The following ZNF277 variants were observed in gnomAD, a reference collection of about 807,000 sequenced individuals.
ZNF277 encodes the protein zinc finger protein 277, also known as nuclear receptor-interacting factor 4.
ZNF277 carries 55 observed loss-of-function variants against 60.7 expected under a neutral mutation model. That is an observed-to-expected ratio of 0.91 (90% CI 0.73 to 1.13). The LOEUF (loss-of-function observed/expected upper bound fraction) is 1.13. Ranked by LOEUF, ZNF277 falls within the 50% of genes most tolerant of loss-of-function variation. The pLI, the probability that ZNF277 is intolerant of heterozygous loss-of-function variation, is 0.00. For synonymous variants in ZNF277, 178 were observed against 179.3 expected, an observed-to-expected ratio of 0.99 and a Z score of 0.06; for missense variants, 510 against 523.0, an observed-to-expected ratio of 0.98 and a Z score of 0.24.
chr7:112,324,397 A>T (rs929866082), intron 5 of ZNF277, among the ~76,000 whole-genome samples: 7 of 152,250 alleles, frequency 4.6e-5, no homozygotes, highest in Admixed American at 1.3e-4. Context: ...ATAATAATTT[A>T]AACTGTTATG....
chr7:112,312,473 A>T (rs1437618239), intron 4 of ZNF277, among the ~76,000 whole-genome samples: 2 of 152,148 alleles, frequency 1.3e-5, no homozygotes, highest in African/African-American at 4.8e-5. Context: ...TTTTGTGGTT[A>T]TACATAGGGG....
At chr7:112,216,469 G>A (rs557218566) in intron 1 of ZNF277, among the ~76,000 whole-genome samples, 28 of 152,062 alleles carry the variant, frequency 1.8e-4, no homozygotes, top group African/African-American at 4.8e-4. Context: ...GCCACCATGC[G>A]CAGCTAAATT....
chr7:112,258,196 T>C (rs1791367225), intron 1 of ZNF277, among the ~76,000 whole-genome samples: 1 of 152,166 alleles, frequency 6.6e-6, no homozygotes, highest in Non-Finnish European at 1.5e-5. Flanking sequence ...AGAGTGAGCC[T>C]TCTGCAAGGT....
chr7:112,318,032 A>G, intron 4 of ZNF277, 150 bp from the exon 5 acceptor site: 1 of 620,654 alleles, frequency 1.6e-6, no homozygotes, highest in South Asian at 2.0e-5. Context: ...AGTTTAATGC[A>G]AAAACAGGAA....
intron 5 of ZNF277, among the ~76,000 whole-genome samples, chr7:112,319,645 TTA>T (rs1161301949): frequency 6.8e-6 from 1 of 147,524 alleles, no homozygotes; most frequent in African/African-American, 2.5e-5. Context: ...AAATTATAAT[TTA>T]TAAATTATAT....
intron 4 of ZNF277, among the ~76,000 whole-genome samples, chr7:112,302,316 G>A (rs1156898284): frequency 6.6e-6 from 1 of 151,958 alleles, no homozygotes; most frequent in African/African-American, 2.4e-5. Context: ...TGAGAAGATT[G>A]TTCTTCCTCA....
At chr7:112,309,354 G>A (rs575032944) in intron 4 of ZNF277, among the ~76,000 whole-genome samples, 2 of 152,098 alleles carry the variant, frequency 1.3e-5, no homozygotes, top group African/African-American at 4.8e-5. Context: ...GTTCAGGGAA[G>A]ATTGTTTGAG....
chr7:112,228,594 G>A (rs967988217), intron 1 of ZNF277, among the ~76,000 whole-genome samples: 6 of 150,508 alleles, frequency 4.0e-5, no homozygotes, highest in Admixed American at 2.7e-4. Context: ...CACCCCGGAC[G>A]TTTTGAATGG....
At chr7:112,336,640 G>C (rs558734693) in intron 8 of ZNF277, among the ~76,000 whole-genome samples, 13 of 152,076 alleles carry the variant, frequency 8.5e-5, no homozygotes, top group Non-Finnish European at 1.6e-4. Context: ...CAACCTAAAA[G>C]GATTTCTTAT....
chr7:112,216,396 G>A (rs1288137007), intron 1 of ZNF277, among the ~76,000 whole-genome samples: 1 of 152,150 alleles, frequency 6.6e-6, no homozygotes, highest in Admixed American at 6.5e-5. Flanking sequence ...TGCAACCTCT[G>A]CTTCCTGGGC....
intron 4 of ZNF277, among the ~76,000 whole-genome samples, chr7:112,308,128 C>G (rs559329773): frequency 6.6e-6 from 1 of 152,176 alleles, no homozygotes; most frequent in South Asian, 2.1e-4. Flanking sequence ...AATTATGTCA[C>G]TCACTGCCAG....
chr7:112,307,480 T>A (rs1423309279), intron 4 of ZNF277, among the ~76,000 whole-genome samples: 1 of 151,620 alleles, frequency 6.6e-6, no homozygotes, highest in Non-Finnish European at 1.5e-5. Context: ...AGTGGTGTGA[T>A]CTCGGCTCAC....
At chr7:112,320,743 G>A (rs1379135780) in intron 5 of ZNF277, among the ~76,000 whole-genome samples, 1 of 151,758 alleles carries the variant, frequency 6.6e-6, no homozygotes, top group East Asian at 1.9e-4. Context: ...CCTTTTCATT[G>A]TAGTACTTAA....
At chr7:112,265,724 T>A (rs564879821) in intron 1 of ZNF277, among the ~76,000 whole-genome samples, 31 of 152,298 alleles carry the variant, frequency 2.0e-4, no homozygotes, top group Admixed American at 2.0e-3. Flanking sequence ...ATGGTGAGAT[T>A]ATGGGTATTT....
Position 112,341,031 on chromosome 7 carries a change from C to CCA in ZNF277, c.1169_1170insCA (p.Trp391SerfsTer28). ...ACTTCGCTGCTCCCCGATAGAAAGA[C>CCA]GTGGGATCAACTGGAGTACGTACTG... On this transcript the variant is annotated frameshift_variant, in exon 11 of 12. Transcript: ENST00000361822. LOFTEE classifies it high-confidence loss of function. 1.2e-6 allele frequency: 2 copies of CCA among 1,602,572 alleles called. No homozygotes were observed. Among genetic ancestry groups the CCA allele is most frequent in the Non-Finnish European group, 1.7e-6 (2 of 1,175,274 alleles).
At chr7:112,270,651 T>C (rs988262448) in intron 1 of ZNF277, among the ~76,000 whole-genome samples, 17 of 152,146 alleles carry the variant, frequency 1.1e-4, no homozygotes, top group African/African-American at 4.1e-4. Context: ...TAATCATTTC[T>C]TTTTTTATCA....
At chr7:112,341,612 A>C (rs1210865684) in intron 11 of ZNF277, among the ~76,000 whole-genome samples, 2 of 152,218 alleles carry the variant, frequency 1.3e-5, no homozygotes, top group African/African-American at 2.4e-5. Flanking sequence ...GCACTTGAAA[A>C]AATTAAGCAG....
At chr7:112,294,331 G>C (rs1432765032) in intron 2 of ZNF277, among the ~76,000 whole-genome samples, 1 of 152,156 alleles carries the variant, frequency 6.6e-6, no homozygotes, top group Admixed American at 6.5e-5. Context: ...GCCTTTTGTA[G>C]GTACTTTTTC....
chr7:112,248,536 T>C (rs1407850409), intron 1 of ZNF277, among the ~76,000 whole-genome samples: 1 of 152,074 alleles, frequency 6.6e-6, no homozygotes, highest in East Asian at 1.9e-4. Flanking sequence ...ATAAATGAAA[T>C]TATGTAACAC....
Sources: gnomAD v4.1 joint callset for allele counts (sites outside exome capture counted in the v4.1 genomes callset) on GRCh38, gnomAD v4.1.1 for gene constraint, MANE v1.5 for transcripts, NCBI Gene and HGNC (gene_info 2026-07-23, HGNC 2026-07-21) for gene names.